Variants in ASIC2 observed in about 807,000 individuals in gnomAD.
ASIC2 encodes acid-sensing ion channel 2.
Under a neutral mutation model 57.3 loss-of-function variants are expected in ASIC2, and 25 were observed. That is an observed-to-expected ratio of 0.44 (90% CI 0.32 to 0.61). The LOEUF is 0.61. Ranked by LOEUF, ASIC2 falls within the 20% of genes least tolerant of loss-of-function variation. The probability of loss-of-function intolerance (pLI) is 0.06; values close to 1 mark genes in which losing one functional copy is unlikely to be tolerated. For missense variants in ASIC2, 641 were observed against 738.1 expected (o/e 0.87, Z 1.52); for synonymous variants, 319 against 307.5 (o/e 1.04, Z -0.39).
intron 1 of ASIC2, among the ~76,000 whole-genome samples, chr17:33,443,249 G>C (rs1046288633): frequency 1.3e-5 from 2 of 151,992 alleles, no homozygotes; most frequent in African/African-American, 4.8e-5. Context: ...TTGACATCAG[G>C]GTAATACTGG....
chr17:33,372,609 C>T (rs1051853956), intron 1 of ASIC2, among the ~76,000 whole-genome samples: 1 of 152,148 alleles, frequency 6.6e-6, no homozygotes, highest in African/African-American at 2.4e-5. Context: ...CATGGACCCT[C>T]TGGGCTCTGT....
At chr17:33,090,980 T>G (rs1018787242) in intron 2 of ASIC2, among the ~76,000 whole-genome samples, 3 of 152,190 alleles carry the variant, frequency 2.0e-5, no homozygotes, top group Admixed American at 1.3e-4. Flanking sequence ...GTACAGTCAT[T>G]GTTCTGTGGT....
At chr17:33,430,623 A>T (rs922982952) in intron 1 of ASIC2, among the ~76,000 whole-genome samples, 1 of 152,148 alleles carries the variant, frequency 6.6e-6, no homozygotes, top group Non-Finnish European at 1.5e-5. Context: ...TGGTCCATCT[A>T]ATTGTGAATG....
chr17:33,277,662 G>A lies in ASIC2; in HGVS notation c.708+13746C>T, dbSNP rs1365207522. On this transcript the variant is annotated intron_variant, in intron 1 of 9. Transcript: ENST00000225823. ...GAAGATTAATCAGCAGAGGAATGTG[G>A]TGCTAATTACCCAGAATGGAATACT... is the stretch of plus-strand genomic sequence containing the variant. Among the ~76,000 whole-genome samples the A allele has an allele frequency of 2.6e-5, 4 of 152,140 alleles. No individual in the cohort carries two copies. In the East Asian group the frequency reaches 7.7e-4, roughly 29 times the overall value.
intron 1 of ASIC2, among the ~76,000 whole-genome samples, chr17:33,432,533 T>A (rs1911456714): frequency 6.6e-6 from 1 of 152,202 alleles, no homozygotes; most frequent in Non-Finnish European, 1.5e-5. Context: ...ATGATTCACC[T>A]CCACTTAATG....
At chr17:33,875,530 A>AT (rs1426929146) in intron 1 of ASIC2, among the ~76,000 whole-genome samples, 2 of 152,088 alleles carry the variant, frequency 1.3e-5, no homozygotes, top group African/African-American at 4.8e-5. Context: ...CATATATGGG[A>AT]TTTTGTGTCT....
chr17:33,302,900 T>C (rs886176356), intron 1 of ASIC2, among the ~76,000 whole-genome samples: 2 of 152,194 alleles, frequency 1.3e-5, no homozygotes, highest in African/African-American at 4.8e-5. Context: ...ATTATCCCTG[T>C]TTTACAGATG....
Position 33,698,532 on chromosome 17 carries a change from A to G in ASIC2, c.555+457446T>C, listed in dbSNP as rs140798385. ...GGCCACCCTGCCAGTAAGTGACCCC[A>G]TGAAAATTAGAAAGCTATCAGTAAA... On this transcript the variant is annotated intron_variant, in intron 1 of 9. Transcript: ENST00000359872. Among the ~76,000 whole-genome samples the G allele has an allele frequency of 3.7e-3, 559 of 152,322 alleles. 5 individuals are homozygous for G. Among genetic ancestry groups the G allele is most frequent in the Non-Finnish European group, 6.5e-3 (441 of 68,034 alleles).
chr17:33,260,994 T>C, intron 1 of ASIC2, among the ~76,000 whole-genome samples: 1 of 152,256 alleles, frequency 6.6e-6, no homozygotes, highest in East Asian at 1.9e-4. Context: ...ATTTCATTCC[T>C]TATTGCCCTA....
rs189983337 is a variant in ASIC2 at position 33,618,670 on chromosome 17, G to A, written c.556-506603C>T. Among the ~76,000 whole-genome samples the A allele has an allele frequency of 2.2e-3, 341 of 152,200 alleles. 3 individuals carry two copies. Among genetic ancestry groups the A allele is most frequent in the Non-Finnish European group, 3.6e-3 (247 of 68,012 alleles). ...GGTTCCCTCATCTTTCATGGGTCACGTTGGCTCTGTAATTAAGTCCAAACT... is the reference window on the plus strand; with the variant it reads ...GGTTCCCTCATCTTTCATGGGTCACATTGGCTCTGTAATTAAGTCCAAACT... On this transcript the variant is annotated intron_variant, in intron 1 of 9. Transcript: ENST00000359872.
chr17:33,158,225 TC>T (rs1233961602), intron 1 of ASIC2, among the ~76,000 whole-genome samples: 4 of 152,206 alleles, frequency 2.6e-5, no homozygotes, highest in Admixed American at 2.6e-4. Flanking sequence ...CACTGCTCCA[TC>T]CCAGGTGCCT....
At chr17:33,963,805 C>T (rs746506106) in intron 1 of ASIC2, among the ~76,000 whole-genome samples, 2 of 152,098 alleles carry the variant, frequency 1.3e-5, no homozygotes, top group Non-Finnish European at 2.9e-5. Context: ...AGGTGACTGA[C>T]TTTCAGGAAA....
intron 1 of ASIC2, chr17:33,572,360 G>C (rs926322569): frequency 1.3e-5 from 2 of 152,134 alleles, no homozygotes; most frequent in Non-Finnish European, 2.9e-5. Flanking sequence ...TCCTAGGATT[G>C]CTTTCAGGGG....
At chr17:34,000,885 T>A (rs1231726738) in intron 1 of ASIC2, 2 of 152,198 alleles carry the variant, frequency 1.3e-5, no homozygotes, top group Non-Finnish European at 2.9e-5. Flanking sequence ...TTAGTTTAGT[T>A]ACTGTGTTTC....
intron 1 of ASIC2, among the ~76,000 whole-genome samples, chr17:33,760,376 T>C (rs1051196029): frequency 2.0e-5 from 3 of 152,060 alleles, no homozygotes; most frequent in Admixed American, 2.0e-4. Context: ...ATATGTGCAA[T>C]AAAAATTGAA....
intron 1 of ASIC2, among the ~76,000 whole-genome samples, chr17:33,121,930 C>T (rs1023898564): frequency 1.3e-5 from 2 of 152,172 alleles, no homozygotes; most frequent in Non-Finnish European, 2.9e-5. Flanking sequence ...TGCCCACTGC[C>T]AACACATCAC....
At chr17:34,049,655 C>A (rs542271295) in intron 1 of ASIC2, among the ~76,000 whole-genome samples, 2 of 152,288 alleles carry the variant, frequency 1.3e-5, no homozygotes, top group East Asian at 3.9e-4. Flanking sequence ...TTATCAAAAC[C>A]CACTGTAATA....
At chr17:33,451,430 A>C (rs1597732310) in intron 1 of ASIC2, among the ~76,000 whole-genome samples, 1 of 152,150 alleles carries the variant, frequency 6.6e-6, no homozygotes, top group South Asian at 2.1e-4. Context: ...CAAAAGTTTG[A>C]CCTTCTATGA....
At chr17:33,529,639 A>G (rs1359136648) in intron 1 of ASIC2, 2 of 152,248 alleles carry the variant, frequency 1.3e-5, no homozygotes, top group Non-Finnish European at 2.9e-5. Context: ...ACTGTATGTA[A>G]AATGGGACTA....
Sources: allele counts gnomAD v4.1 joint callset (sites outside exome capture counted in the v4.1 genomes callset), GRCh38; gene constraint gnomAD v4.1.1; transcripts MANE v1.5; gene names NCBI Gene and HGNC (gene_info 2026-07-23, HGNC 2026-07-21).